The following UBN2 variants were observed in gnomAD, a reference collection of about 807,000 sequenced individuals.
The protein encoded by UBN2 is ubinuclein 2.
A neutral mutation model predicts 120.2 loss-of-function variants in UBN2; 35 were observed. The ratio of observed to expected loss-of-function variants is 0.29; its 90% CI spans 0.22 to 0.39. UBN2 has a LOEUF of 0.39. UBN2 is among the 10% of genes least tolerant of loss of function. The pLI is 1.00. For synonymous variants in UBN2, 661 were observed against 648.7 expected (o/e 1.02, Z -0.29); for missense variants, 1,693 against 1,663.2 (o/e 1.02, Z -0.31).
intron 2 of UBN2, among the ~76,000 whole-genome samples, chr7:139,251,417 C>T (rs933327614): frequency 1.3e-5 from 2 of 152,086 alleles, no homozygotes; most frequent in African/African-American, 2.4e-5. Flanking sequence ...TGTCTTTTTT[C>T]AGTTTCTGAA....
chr7:139,312,092 T>TCA (rs1798455910), downstream of UBN2, among the ~76,000 whole-genome samples: 3 of 152,224 alleles, frequency 2.0e-5, no homozygotes, highest in African/African-American at 7.2e-5. Context: ...ATGCCTTGAT[T>TCA]CATAGCACAT....
Position 139,305,040 on chromosome 7 carries a change from A to C in UBN2, c.*7204A>C, listed in dbSNP as rs1006869676. On this transcript the variant is annotated 3_prime_UTR_variant, in exon 18 of 18. Coordinates refer to ENST00000473989, the MANE Select transcript of UBN2 (RefSeq NM_173569.4). ...ATCTACAGATGCTTTCACTGGTGCA[A>C]AGCTGTAGTTAGTATCATGGAATGT... 1 of 152,170 alleles carries C rather than the reference A, an allele frequency of 6.6e-6. No individual in the cohort carries two copies. Among genetic ancestry groups the C allele is most frequent in the Non-Finnish European group, 1.5e-5 (1 of 68,034 alleles). 9.4% of individuals were successfully genotyped at this position (152,170 alleles called of 1,614,324 possible).
At chr7:139,327,135 G>A in the UBN2 span, among the ~76,000 whole-genome samples, 1 of 152,204 alleles carries the variant, frequency 6.6e-6, no homozygotes, top group Non-Finnish European at 1.5e-5. Context: ...CCGGGTTCAA[G>A]CGATTATCCT....
intron 8 of UBN2, among the ~76,000 whole-genome samples, chr7:139,270,270 C>CTTTTT (rs563161456): frequency 7.4e-6 from 1 of 134,414 alleles, no homozygotes; most frequent in Non-Finnish European, 1.6e-5. Flanking sequence ...AGCAGAAATA[C>CTTTTT]TTTTTTTTTT....
In UBN2 at chr7:139,252,005, A is replaced by T. The variant is rs1470442652; in HGVS notation, c.611A>T (p.Asp204Val). The change falls in exon 3 of 18, where the codon GAT (aspartate) becomes GTT (valine). Residue 204 changes from aspartate (D) to valine (V), a missense_variant. Physicochemically the swap from Asp to Val is radical, Grantham distance 152. This residue lies in a region of UBN2 where 663 missense variants were observed against 591.2 expected (regional missense o/e 1.12). Coordinates refer to ENST00000473989, the MANE Select transcript of UBN2 (RefSeq NM_173569.4). ...AAGGATCGGCTACAAGATTTAATTGATATAGGCTTTGGCTATGATGAGACA... is the reference window on the plus strand; with the variant it reads ...AAGGATCGGCTACAAGATTTAATTGTTATAGGCTTTGGCTATGATGAGACA... Reference protein sequence around the residue: ...HRKDRLQDLIDIGFGYDETDP... With the variant: ...HRKDRLQDLIVIGFGYDETDP... 1 of 1,614,196 alleles carries T rather than the reference A, an allele frequency of 6.2e-7. No homozygotes were observed. The highest frequency in any genetic ancestry group is 1.1e-5 in the South Asian group (1 of 91,086).
chr7:139,272,079 A>G (rs1797293252), intron 8 of UBN2, among the ~76,000 whole-genome samples: 1 of 152,176 alleles, frequency 6.6e-6, no homozygotes, highest in Non-Finnish European at 1.5e-5. Flanking sequence ...ACTATTAATA[A>G]TTATGCTGGG....
Position 139,298,944 on chromosome 7 carries a change from G to A in UBN2, c.*1108G>A, listed in dbSNP as rs1295464975. 1 of 152,088 alleles carries A rather than the reference G, an allele frequency of 6.6e-6. No homozygotes were observed. Among genetic ancestry groups the A allele is most frequent in the Non-Finnish European group, 1.5e-5 (1 of 67,996 alleles). The allele number at this position is 152,088 out of a possible 1,614,324, so 9.4% of individuals were successfully genotyped here. On this transcript the variant is annotated 3_prime_UTR_variant, in exon 18 of 18. Transcript: ENST00000473989. Reference sequence around the variant, plus strand: ...AATTTTTAAGATGGTATTTTAAAGGGAGGAATCACATTAGGATCACAATCA... The same window carrying A: ...AATTTTTAAGATGGTATTTTAAAGGAAGGAATCACATTAGGATCACAATCA...
intron 12 of UBN2, 146 bp downstream of exon 12, chr7:139,276,293 T>C: frequency 1.3e-6 from 1 of 756,870 alleles, no homozygotes; most frequent in Non-Finnish European, 2.2e-6. Context: ...AACACATTTA[T>C]CTATTGAAAT....
At chr7:139,312,715 T>C (rs974394901), downstream of UBN2, among the ~76,000 whole-genome samples, 2 of 152,200 alleles carry the variant, frequency 1.3e-5, no homozygotes, top group Non-Finnish European at 2.9e-5. Flanking sequence ...ACTTATGAAA[T>C]ATTTCCCTAG....
chr7:139,321,565 C>T, the UBN2 span, among the ~76,000 whole-genome samples: 38 of 152,212 alleles, frequency 2.5e-4, no homozygotes, highest in East Asian at 5.8e-4. Context: ...AAGGGAACAC[C>T]GGAGGGATGG....
chr7:139,303,598 A>C lies in UBN2; in HGVS notation c.*5762A>C, dbSNP rs1187886804. ...TAGACAATTGGGTATAATCATATTC[A>C]CCTACCTCCCAGGGATATCAGAGAC... On this transcript the variant is annotated 3_prime_UTR_variant, in exon 18 of 18. Transcript: ENST00000473989. 1 of 152,186 alleles carries C rather than the reference A, an allele frequency of 6.6e-6. No homozygotes were observed. The highest frequency in any genetic ancestry group is 2.4e-5 in the African/African-American group (1 of 41,440). 9.4% of individuals were successfully genotyped at this position (152,186 alleles called of 1,614,324 possible).
At chr7:139,319,934 A>G in the UBN2 span, among the ~76,000 whole-genome samples, 24 of 150,998 alleles carry the variant, frequency 1.6e-4, no homozygotes, top group African/African-American at 4.6e-4. Context: ...AAATTAGCTG[A>G]GTGTGGTGGC....
chr7:139,300,428 T>A lies in UBN2; in HGVS notation c.*2592T>A, dbSNP rs1798226282. 1 of 152,038 alleles carries A rather than the reference T, an allele frequency of 6.6e-6. No individual in the cohort carries two copies. The highest frequency in any genetic ancestry group is 2.4e-5 in the African/African-American group (1 of 41,378). The allele number at this position is 152,038 out of a possible 1,614,324, so 9.4% of individuals were successfully genotyped here. A position where few individuals can be genotyped will look rare whatever the true frequency, so the allele number is the denominator to read the frequency against. The stretch of plus-strand genomic sequence containing the variant: ...TCCTAGATCATAACATTGAAAAAGG[T>A]GCCCATACTTTATGGTCACCTGTCT... On this transcript the variant is annotated 3_prime_UTR_variant, in exon 18 of 18. Coordinates refer to ENST00000473989, the MANE Select transcript of UBN2 (RefSeq NM_173569.4).
Position 139,231,819 on chromosome 7 carries a change from C to G in UBN2, c.335C>G (p.Ser112Trp). ...TTGCAGCCGCCCCCGCCGCGGGAGT[C>G]GGCTTCCCGGGCTGAGCAGCCGCCG... ...LPLQPPPPRE[S>W]ASRAEQPPRP... The change falls in exon 1 of 18, where the codon TCG becomes TGG. Residue 112 changes from serine (S) to tryptophan (W), a missense_variant. Physicochemically the swap from Ser to Trp is radical, Grantham distance 177 (BLOSUM62 -3). Around this residue, in one of 5 missense-constraint regions of UBN2, gnomAD observed 663 missense variants for 591.2 expected, o/e 1.12. Transcript: ENST00000473989. 6.8e-7 allele frequency: 1 copy of G among 1,465,448 alleles called. No individual in the cohort carries two copies. The highest frequency in any genetic ancestry group is 9.0e-7 in the Non-Finnish European group (1 of 1,110,598). 90.8% of individuals were successfully genotyped at this position (1,465,448 alleles called of 1,614,324 possible). A position where few individuals can be genotyped will look rare whatever the true frequency, so the allele number is the denominator to read the frequency against.
Position 139,298,034 on chromosome 7 carries a change from G to A in UBN2, c.*198G>A, listed in dbSNP as rs777212010. On this transcript the variant is annotated 3_prime_UTR_variant, in exon 18 of 18. Transcript: ENST00000473989. ...GTGCAGGAGGAAGAAATGCTTTTGT[G>A]CAAAGTTAGTGACCTTTGGTCTCTT... is the stretch of plus-strand genomic sequence containing the variant. The A allele has an allele frequency of 1.0e-4, 60 of 580,330 alleles. No individual in the cohort carries two copies. Among genetic ancestry groups the A allele is most frequent in the Non-Finnish European group, 1.7e-4 (57 of 329,888 alleles). The allele number at this position is 580,330 out of a possible 1,614,324, so 35.9% of individuals were successfully genotyped here. A position where few individuals can be genotyped will look rare whatever the true frequency, so the allele number is the denominator to read the frequency against.
downstream of UBN2, among the ~76,000 whole-genome samples, chr7:139,312,860 G>T (rs1044371614): frequency 3.3e-5 from 5 of 152,040 alleles, no homozygotes; most frequent in African/African-American, 1.2e-4. Flanking sequence ...TTATTTTTCT[G>T]TATTTAGTGA....
At chr7:139,311,888 G>A (rs1236502430), downstream of UBN2, among the ~76,000 whole-genome samples, 1 of 152,238 alleles carries the variant, frequency 6.6e-6, no homozygotes, top group Non-Finnish European at 1.5e-5. Flanking sequence ...GCGTCATGGA[G>A]TGATTCCACG....
At chr7:139,271,073 C>T (rs1024769347) in intron 8 of UBN2, among the ~76,000 whole-genome samples, 14 of 151,804 alleles carry the variant, frequency 9.2e-5, no homozygotes, top group African/African-American at 2.4e-4. Flanking sequence ...TGAGCCACTG[C>T]GCCTGGCCAG....
chr7:139,272,432 G>T lies in UBN2; in HGVS notation c.1707G>T (p.Lys569Asn). The T allele has an allele frequency of 1.2e-6, 2 of 1,611,948 alleles. No individual in the cohort carries two copies. The highest frequency in any genetic ancestry group is 1.7e-6 in the Non-Finnish European group (2 of 1,179,210). Reference sequence around the variant, plus strand: ...ACTGCCAGGCTCGTAGTCAAGCTAAGTGTGCCAAGTATGTATCTCTTCTAT... The same window carrying T: ...ACTGCCAGGCTCGTAGTCAAGCTAATTGTGCCAAGTATGTATCTCTTCTAT... ...QEDCQARSQAKCAKLQTDEER... is the reference protein window; with the variant it reads ...QEDCQARSQANCAKLQTDEER... The change falls in exon 9 of 18, where the codon AAG becomes AAT. Residue 569 changes from lysine (K) to asparagine (N), a missense_variant. By Grantham distance (94) the Lys-to-Asn change is moderately conservative. Around this residue, in one of 5 missense-constraint regions of UBN2, gnomAD observed 178 missense variants for 204.0 expected, o/e 0.87. Coordinates refer to ENST00000473989, the MANE Select transcript of UBN2 (RefSeq NM_173569.4).
Sources: gnomAD v4.1 joint callset for allele counts (sites outside exome capture counted in the v4.1 genomes callset) on GRCh38, gnomAD v4.1.1 for gene constraint, gnomAD v4.1.1 regional missense constraint, MANE v1.5 for transcripts, NCBI Gene and HGNC (gene_info 2026-07-23, HGNC 2026-07-21) for gene names.